SDK1: variants seen among roughly 807,000 people sequenced by gnomAD.
SDK1 encodes protein sidekick-1.
A neutral mutation model predicts 245.5 loss-of-function variants in SDK1; 157 were observed. That is an observed-to-expected ratio of 0.64 (90% CI 0.56 to 0.73). SDK1 has a LOEUF of 0.73. Among genes scored for constraint, SDK1 ranks in the 30% least tolerant of loss-of-function variants. SDK1 has a pLI of 0.00. For synonymous variants in SDK1, 1,647 were observed against 1,278.5 expected (o/e 1.29, Z -6.15); for missense variants, 3,583 against 3,002.3 (o/e 1.19, Z -4.52).
At chr7:3,842,489 G>A (rs537284154) in intron 5 of SDK1, among the ~76,000 whole-genome samples, 2 of 152,266 alleles carry the variant, frequency 1.3e-5, no homozygotes, top group African/African-American at 4.8e-5. Context: ...CTAGGTCGCT[G>A]TACTGGCATG....
At chr7:3,923,987 A>G (rs1779683109) in intron 5 of SDK1, among the ~76,000 whole-genome samples, 1 of 152,144 alleles carries the variant, frequency 6.6e-6, no homozygotes, top group Admixed American at 6.5e-5. Context: ...GATTCTCAGC[A>G]GAAATGCAGA....
intron 19 of SDK1, 76 bp downstream of exon 19, chr7:4,051,906 C>T (rs939229106): frequency 5.0e-6 from 7 of 1,392,574 alleles, no homozygotes; most frequent in Non-Finnish European, 4.9e-6. Flanking sequence ...CAGAATCAGG[C>T]AAGGGCAGAG....
intron 4 of SDK1, among the ~76,000 whole-genome samples, chr7:3,698,475 C>T (rs1483617414): frequency 6.6e-6 from 1 of 152,126 alleles, no homozygotes; most frequent in Non-Finnish European, 1.5e-5. Flanking sequence ...CAGGATTTTC[C>T]CATCTTCTCA....
intron 4 of SDK1, among the ~76,000 whole-genome samples, chr7:3,688,609 T>C (rs957539617): frequency 6.6e-6 from 1 of 152,242 alleles, no homozygotes; most frequent in Non-Finnish European, 1.5e-5. Flanking sequence ...TCTAACAGCA[T>C]GATTTCTAGA....
chr7:3,753,174 A>T (rs1278273892), intron 4 of SDK1, among the ~76,000 whole-genome samples: 1 of 152,182 alleles, frequency 6.6e-6, no homozygotes, highest in African/African-American at 2.4e-5. Flanking sequence ...TAGTTATGAG[A>T]TTGTCATATT....
chr7:3,484,658 T>A (rs1056505729), intron 1 of SDK1, among the ~76,000 whole-genome samples: 2 of 152,132 alleles, frequency 1.3e-5, no homozygotes, highest in Admixed American at 6.5e-5. Context: ...CCTCACACTT[T>A]CCTCTCCCCT....
chr7:3,559,915 A>G lies in SDK1; in HGVS notation c.299-59165A>G, dbSNP rs762742716. Among the ~76,000 whole-genome samples the G allele has an allele frequency of 6.0e-4, 91 of 152,264 alleles. No homozygotes were observed. The Middle Eastern group carries it at 0.01, about 17-fold the overall frequency. On this transcript the variant is annotated intron_variant, in intron 1 of 44. Transcript: ENST00000404826. The stretch of plus-strand genomic sequence containing the variant: ...AGTGCTTGACAATAAATGTTTCAGG[A>G]TGATTGATGTTGAATAAACTTAAAA...
chr7:3,510,473 G>A (rs1166798117), intron 1 of SDK1, among the ~76,000 whole-genome samples: 2 of 152,116 alleles, frequency 1.3e-5, no homozygotes, highest in Non-Finnish European at 2.9e-5. Flanking sequence ...CGGATTAATA[G>A]GCAAAAAGGC....
At chr7:3,721,246 C>G (rs1778784542) in intron 4 of SDK1, among the ~76,000 whole-genome samples, 1 of 152,132 alleles carries the variant, frequency 6.6e-6, no homozygotes, top group African/African-American at 2.4e-5. Context: ...TGTATTTACA[C>G]CCATCCATGA....
chr7:4,075,866 T>C (rs909270483), intron 20 of SDK1, among the ~76,000 whole-genome samples: 1 of 152,128 alleles, frequency 6.6e-6, no homozygotes. Context: ...TTGGCCAGGC[T>C]GGTCTCCAAC....
intron 28 of SDK1, among the ~76,000 whole-genome samples, chr7:4,141,468 C>T (rs557657007): frequency 6.6e-6 from 1 of 152,306 alleles, no homozygotes; most frequent in Non-Finnish European, 1.5e-5. Context: ...ATAATGAAAA[C>T]ACGTCTGTAA....
intron 5 of SDK1, among the ~76,000 whole-genome samples, chr7:3,919,536 C>A (rs1779514676): frequency 6.6e-6 from 1 of 152,288 alleles, no homozygotes; most frequent in Non-Finnish European, 1.5e-5. Flanking sequence ...AGAGCACCCT[C>A]CCTGGTGAAC....
At chr7:3,756,339 C>T (rs961173170) in intron 4 of SDK1, among the ~76,000 whole-genome samples, 1 of 150,368 alleles carries the variant, frequency 6.7e-6, no homozygotes, top group Non-Finnish European at 1.5e-5. Flanking sequence ...GTGACACATG[C>T]ATACCATTGA....
At chr7:3,415,384 A>G (rs1356192537) in intron 1 of SDK1, among the ~76,000 whole-genome samples, 2 of 152,160 alleles carry the variant, frequency 1.3e-5, no homozygotes, top group Admixed American at 6.5e-5. Flanking sequence ...AAGTGTGTAG[A>G]GAAGTTATAT....
intron 5 of SDK1, among the ~76,000 whole-genome samples, chr7:3,938,659 A>AAAG (rs1554284813): frequency 6.6e-5 from 10 of 151,070 alleles, no homozygotes; most frequent in African/African-American, 2.2e-4. Flanking sequence ...AAAAAAAAAA[A>AAAG]AGAGATCCTC....
intron 1 of SDK1, among the ~76,000 whole-genome samples, chr7:3,422,045 T>C (rs1047845640): frequency 6.6e-6 from 1 of 152,040 alleles, no homozygotes; most frequent in Non-Finnish European, 1.5e-5. Flanking sequence ...CAAAATAAAA[T>C]AGGAAATTAG....
chr7:3,382,770 C>G (rs376511038), intron 1 of SDK1, among the ~76,000 whole-genome samples: 6 of 152,222 alleles, frequency 3.9e-5, no homozygotes, highest in African/African-American at 1.4e-4. Context: ...TCTAGTGTCT[C>G]ACAACATGAA....
At chr7:3,868,231 AAAAT>A (rs1361265970) in intron 5 of SDK1, among the ~76,000 whole-genome samples, 2 of 152,224 alleles carry the variant, frequency 1.3e-5, no homozygotes, top group Non-Finnish European at 2.9e-5. Flanking sequence ...TTATTGGTAA[AAAAT>A]AAACCTGTCA....
chr7:4,192,600 T>C (rs1308560101), intron 35 of SDK1, among the ~76,000 whole-genome samples: 1 of 152,228 alleles, frequency 6.6e-6, no homozygotes, highest in African/African-American at 2.4e-5. Flanking sequence ...AATTGAAGTA[T>C]GTTCCGTGTT....
Sources: allele counts gnomAD v4.1 joint callset (sites outside exome capture counted in the v4.1 genomes callset), GRCh38; gene constraint gnomAD v4.1.1; transcripts MANE v1.5; gene names NCBI Gene and HGNC (gene_info 2026-07-23, HGNC 2026-07-21).